The following RPS6KA2 variants were observed in gnomAD, a reference collection of about 807,000 sequenced individuals.
The protein encoded by RPS6KA2 is ribosomal protein S6 kinase A2, also known as ribosomal protein S6 kinase alpha-2.
In RPS6KA2, 42 loss-of-function variants were observed where a neutral mutation model predicts 91.8. The ratio of observed to expected loss-of-function variants is 0.46; its 90% CI spans 0.36 to 0.59. The LOEUF (loss-of-function observed/expected upper bound fraction) is 0.59. RPS6KA2 is among the 20% of genes least tolerant of loss of function. The pLI is 0.00. For synonymous variants in RPS6KA2, 414 were observed against 393.6 expected (o/e 1.05, Z -0.61); for missense variants, 798 against 978.5 (o/e 0.82, Z 2.46).
chr6:166,756,238 C>T lies in RPS6KA2; in HGVS notation c.123+101962G>A, dbSNP rs184099073. Among the ~76,000 whole-genome samples, 47 of 151,932 alleles carry T rather than the reference C, an allele frequency of 3.1e-4. 1 individual carries two copies. Among genetic ancestry groups the T allele is most frequent in the East Asian group, 2.7e-3 (14 of 5,130 alleles). Reference sequence around the variant, plus strand: ...CCAGGAGGCAGAGCTTGCAGTGAGCCGAGATCGCACCACTGCACTCCAGCC... The same window carrying T: ...CCAGGAGGCAGAGCTTGCAGTGAGCTGAGATCGCACCACTGCACTCCAGCC... On this transcript the variant is annotated intron_variant, in intron 2 of 21. Transcript: ENST00000503859.
chr6:166,531,550 A>G (rs1226117632), intron 2 of RPS6KA2, among the ~76,000 whole-genome samples: 1 of 152,232 alleles, frequency 6.6e-6, no homozygotes, highest in Non-Finnish European at 1.5e-5. Flanking sequence ...TGTTTTTGGT[A>G]TCATTAACTT....
intron 1 of RPS6KA2, among the ~76,000 whole-genome samples, chr6:166,592,245 T>TG (rs1488611376): frequency 3.3e-5 from 5 of 152,180 alleles, no homozygotes; most frequent in Admixed American, 6.5e-5. Context: ...CTCTGCTCTA[T>TG]GTGGAGTCCT....
At chr6:166,716,035 C>CAAAA (rs141709524) in intron 2 of RPS6KA2, among the ~76,000 whole-genome samples, 7 of 89,774 alleles carry the variant, frequency 7.8e-5, no homozygotes, top group African/African-American at 1.6e-4. Flanking sequence ...GAGACTCCAT[C>CAAAA]AAAAAAAAAA....
intron 11 of RPS6KA2, among the ~76,000 whole-genome samples, chr6:166,462,150 T>C (rs772553065): frequency 6.6e-6 from 1 of 152,180 alleles, no homozygotes; most frequent in Non-Finnish European, 1.5e-5. Context: ...CCTGCCTTGT[T>C]TCTGCTCCAA....
chr6:166,652,393 A>G (rs1014181578), intron 2 of RPS6KA2, among the ~76,000 whole-genome samples: 9 of 152,196 alleles, frequency 5.9e-5, no homozygotes, highest in African/African-American at 2.2e-4. Flanking sequence ...CTTCAACACA[A>G]GATAAATTAA....
At chr6:166,722,684 G>T (rs576172969) in intron 2 of RPS6KA2, among the ~76,000 whole-genome samples, 2 of 152,364 alleles carry the variant, frequency 1.3e-5, no homozygotes, top group South Asian at 4.1e-4. Context: ...TGTGGATGCG[G>T]AGCTGTTGAA....
intron 1 of RPS6KA2, among the ~76,000 whole-genome samples, chr6:166,583,839 A>AT (rs1785093097): frequency 6.6e-6 from 1 of 152,202 alleles, no homozygotes; most frequent in African/African-American, 2.4e-5. Flanking sequence ...TTTCTACAGC[A>AT]TTTTACTTCC....
At chr6:166,575,155 G>A (rs762045988) in intron 1 of RPS6KA2, among the ~76,000 whole-genome samples, 8 of 152,152 alleles carry the variant, frequency 5.3e-5, no homozygotes, top group Non-Finnish European at 1.0e-4. Context: ...TTTTGTTTAC[G>A]AACGCCATAC....
At position 166,419,628 on chromosome 6, in the gene RPS6KA2, A is replaced by AGACTT. The variant is rs1213762000; in HGVS notation, c.1820+249_1820+253dup. Among the ~76,000 whole-genome samples, 2 of 152,356 alleles carry AGACTT rather than the reference A, an allele frequency of 1.3e-5. No homozygotes were observed. Among genetic ancestry groups the AGACTT allele is most frequent in the Middle Eastern group, 3.4e-3 (1 of 294 alleles). ...AGAGAATGGGGACTATGCTGGCAAA[A>AGACTT]GACTTGATGTTTTGTTCATGAGCTG... On this transcript the variant is annotated intron_variant, in intron 18 of 20. Transcript: ENST00000265678. The surrounding 1 kb of genome is among the most constrained non-coding windows in gnomAD (Gnocchi z 5.6).
At chr6:166,706,579 G>A (rs1400364432) in intron 2 of RPS6KA2, among the ~76,000 whole-genome samples, 1 of 152,176 alleles carries the variant, frequency 6.6e-6, no homozygotes, top group Admixed American at 6.5e-5. Context: ...GATGAAGAAC[G>A]AGTATCATCT....
In RPS6KA2 at chr6:166,825,848, G is replaced by T. The variant is rs1382857088; in HGVS notation, c.123+32352C>A. Among the ~76,000 whole-genome samples, 4 of 152,184 alleles carry T rather than the reference G, an allele frequency of 2.6e-5. No homozygotes were observed. The highest frequency in any genetic ancestry group is 4.4e-5 in the Non-Finnish European group (3 of 68,028). ...GTTAGGATTTCAACACGAATTCTGG[G>T]AGAGACACAAGCATTCAGACCACAG... On this transcript the variant is annotated intron_variant, in intron 2 of 21. Coordinates refer to the RPS6KA2 transcript ENST00000503859. The surrounding 1 kb of genome is among the most constrained non-coding windows in gnomAD (Gnocchi z 4.1).
intron 2 of RPS6KA2, among the ~76,000 whole-genome samples, chr6:166,746,589 G>T (rs1488842802): frequency 6.6e-6 from 1 of 152,216 alleles, no homozygotes; most frequent in Non-Finnish European, 1.5e-5. Context: ...GATTCCACAA[G>T]TTGAGGGCTC....
chr6:166,780,242 A>G (rs1479790451), intron 2 of RPS6KA2, among the ~76,000 whole-genome samples: 1 of 152,194 alleles, frequency 6.6e-6, no homozygotes, highest in Non-Finnish European at 1.5e-5. Flanking sequence ...GGAAAGGGCC[A>G]TTGCAGCTGG....
rs1380380813 is a variant in RPS6KA2, at chr6:166,666,767, G to A, written c.124-127983C>T. Among the ~76,000 whole-genome samples the A allele has an allele frequency of 6.6e-6, 1 of 152,150 alleles. No homozygotes were observed. Among genetic ancestry groups the A allele is most frequent in the Non-Finnish European group, 1.5e-5 (1 of 68,024 alleles). On this transcript the variant is annotated intron_variant, in intron 2 of 21. Coordinates refer to the RPS6KA2 transcript ENST00000503859. This position sits in a 1 kb window ranked among gnomAD's most constrained non-coding sequence, Gnocchi z 4.0. The stretch of plus-strand genomic sequence containing the variant: ...ATAATTTAGCAACTTTCACTTCTGA[G>A]TATATACCCAAAAAGAATGGAAAGC...
chr6:166,815,369 C>T (rs993836137), intron 2 of RPS6KA2, among the ~76,000 whole-genome samples: 10 of 152,204 alleles, frequency 6.6e-5, no homozygotes, highest in African/African-American at 2.2e-4. Flanking sequence ...ACATGCTTCA[C>T]TGGATGTGAG....
Position 166,704,652 on chromosome 6 carries a change from T to A in RPS6KA2, c.123+153548A>T, listed in dbSNP as rs1481591111. Among the ~76,000 whole-genome samples the A allele has an allele frequency of 5.9e-5, 9 of 152,354 alleles. 1 individual carries two copies. The highest frequency in any genetic ancestry group is 1.7e-4 in the African/African-American group (7 of 41,588). On this transcript the variant is annotated intron_variant, in intron 2 of 21. Coordinates refer to the RPS6KA2 transcript ENST00000503859. ...CTGGCCATGTGTTTGGGTTTGAAAG[T>A]GTCCAGATTGCCTGGTTCTCCTGGA...
intron 1 of RPS6KA2, among the ~76,000 whole-genome samples, chr6:166,541,759 G>A (rs1169443539): frequency 3.3e-5 from 5 of 152,206 alleles, no homozygotes; most frequent in Middle Eastern, 3.4e-3. Flanking sequence ...AGCCTTCGAC[G>A]CAGATATCTC....
At chr6:166,429,301 G>A (rs1302151580) in intron 16 of RPS6KA2, among the ~76,000 whole-genome samples, 1 of 119,592 alleles carries the variant, frequency 8.4e-6, no homozygotes, top group South Asian at 3.7e-4. Context: ...TGGGGGGAGG[G>A]GGGGAGGGAT....
At chr6:166,486,957 G>A (rs1287441371) in intron 10 of RPS6KA2, among the ~76,000 whole-genome samples, 1 of 152,160 alleles carries the variant, frequency 6.6e-6, no homozygotes, top group Non-Finnish European at 1.5e-5. Flanking sequence ...GCAGAGCCGT[G>A]GCCGAGACAC....
Sources: allele counts gnomAD v4.1 joint callset (sites outside exome capture counted in the v4.1 genomes callset), GRCh38; gene constraint gnomAD v4.1.1; non-coding constraint Gnocchi (gnomAD v3.1); transcripts MANE v1.5; gene names NCBI Gene and HGNC (gene_info 2026-07-23, HGNC 2026-07-21).